Variants in ABHD16A observed in about 807,000 individuals in gnomAD.
ABHD16A encodes phosphatidylserine lipase ABHD16A.
In ABHD16A, 47 loss-of-function variants were observed where a neutral mutation model predicts 89.8. That is an observed-to-expected ratio of 0.52 (90% CI 0.41 to 0.67). ABHD16A has a LOEUF of 0.67. Among genes scored for constraint, ABHD16A ranks in the 30% least tolerant of loss-of-function variants. The pLI is 0.00. For synonymous variants in ABHD16A, 251 were observed against 280.4 expected, an observed-to-expected ratio of 0.90 and a Z score of 1.05; for missense variants, 580 against 734.6, an observed-to-expected ratio of 0.79 and a Z score of 2.43.
Position 31,690,604 on chromosome 6 carries a change from TAGGAAGGAGGC to T in ABHD16A, c.844-13_844-3del. 6.2e-7 allele frequency: 1 copy of T among 1,612,650 alleles called. No individual in the cohort carries two copies. Among genetic ancestry groups the T allele is most frequent in the South Asian group, 1.1e-5 (1 of 91,068 alleles). On this transcript the variant is annotated splice_region_variant and splice_polypyrimidine_tract_variant and intron_variant, in intron 9 of 19. Coordinates refer to ENST00000395952, the MANE Select transcript of ABHD16A (RefSeq NM_021160.3). The surrounding 1 kb of genome is among the most constrained non-coding windows in gnomAD (Gnocchi z 4.1). ...AGCATTCCCCTCACAGCAGATCACCTAGGAAGGAGGCAGGAAGGAAGGGCTGGGGGGCCAAG... is the reference window on the plus strand; with the variant it reads ...AGCATTCCCCTCACAGCAGATCACCTAGGAAGGAAGGGCTGGGGGGCCAAG...
At chr6:31,702,640 T>C (rs1355799769) in intron 1 of ABHD16A, 1 of 1,521,072 alleles carries the variant, frequency 6.6e-7, no homozygotes. Flanking sequence ...CAGAATACAA[T>C]GACTCGGGTC....
intron 4 of ABHD16A, among the ~76,000 whole-genome samples, chr6:31,700,375 C>G (rs916787828): frequency 2.3e-4 from 35 of 152,196 alleles, no homozygotes; most frequent in Non-Finnish European, 4.1e-4. Flanking sequence ...CCACTGGCCT[C>G]TGCCTCCCAA....
rs1469118946 is a variant in ABHD16A, at chr6:31,693,150, C to T, written c.504-1G>A. The T allele has an allele frequency of 6.2e-7, 1 of 1,612,156 alleles. No individual in the cohort carries two copies. The highest frequency in any genetic ancestry group is 8.5e-7 in the Non-Finnish European group (1 of 1,179,126). ...GGAAGGGCCCCCTCGAGACTCCTTC[C>T]TGAGGAAGGGAAAGATGCAGGGAAG... On this transcript the variant is annotated splice_acceptor_variant, in intron 6 of 19. Coordinates refer to ENST00000395952, the MANE Select transcript of ABHD16A (RefSeq NM_021160.3). LOFTEE classifies it high-confidence loss of function. The surrounding 1 kb of genome is among the most constrained non-coding windows in gnomAD (Gnocchi z 5.0).
chr6:31,688,470 G>T lies in ABHD16A; in HGVS notation c.1251-165C>A. On this transcript the variant is annotated intron_variant, in intron 14 of 19. Coordinates refer to ENST00000395952, the MANE Select transcript of ABHD16A (RefSeq NM_021160.3). The surrounding 1 kb of genome is among the most constrained non-coding windows in gnomAD (Gnocchi z 4.9). ...TGAGAGGGGATTATTTAAGGGGCAT[G>T]GTTCAGTCTGGCCCTGCTGGGAGAC... 1 of 817,026 alleles carries T rather than the reference G, an allele frequency of 1.2e-6. No homozygotes were observed. The highest frequency in any genetic ancestry group is 1.9e-6 in the Non-Finnish European group (1 of 513,918). The allele number at this position is 817,026 out of a possible 1,614,324, so 50.6% of individuals were successfully genotyped here. A position where few individuals can be genotyped will look rare whatever the true frequency, so the allele number is the denominator to read the frequency against.
In ABHD16A at chr6:31,703,287, C is replaced by T. The variant is rs373817976; in HGVS notation, c.-6G>A. The T allele has an allele frequency of 1.8e-4, 237 of 1,343,414 alleles. 1 individual carries two copies. Among genetic ancestry groups the T allele is most frequent in the Middle Eastern group, 1.3e-3 (6 of 4,734 alleles). The allele number at this position is 1,343,414 out of a possible 1,614,324, so 83.2% of individuals were successfully genotyped here. On this transcript the variant is annotated 5_prime_UTR_variant, in exon 1 of 20. Coordinates refer to ENST00000395952, the MANE Select transcript of ABHD16A (RefSeq NM_021160.3). ...CAGCTCAGCAGCTTCGCCATGGCCC[C>T]GGCTCGGGCCGCTGCTCTTCCAGCA...
At chr6:31,696,183 T>C (rs1274841957) in intron 5 of ABHD16A, among the ~76,000 whole-genome samples, 3 of 148,428 alleles carry the variant, frequency 2.0e-5, no homozygotes, top group Non-Finnish European at 4.5e-5. Flanking sequence ...AAAAAAAAAT[T>C]AACTGGGCGT....
Position 31,688,449 on chromosome 6 carries a change from A to G in ABHD16A, c.1251-144T>C. On this transcript the variant is annotated intron_variant, in intron 14 of 19. Coordinates refer to ENST00000395952, the MANE Select transcript of ABHD16A (RefSeq NM_021160.3). This position sits in a 1 kb window ranked among gnomAD's most constrained non-coding sequence, Gnocchi z 4.9. ...ACCTAGCCCTTCACTCAGGGGTGAG[A>G]GGGGATTATTTAAGGGGCATGGTTC... The G allele has an allele frequency of 2.2e-6, 2 of 902,934 alleles. No individual in the cohort carries two copies. The highest frequency in any genetic ancestry group is 3.5e-6 in the Non-Finnish European group (2 of 576,468). The allele number at this position is 902,934 out of a possible 1,614,324, so 55.9% of individuals were successfully genotyped here.
rs1053569920 is a variant in ABHD16A, at chr6:31,693,919, T to C, written c.430-487A>G. Among the ~76,000 whole-genome samples, 4 of 152,220 alleles carry C rather than the reference T, an allele frequency of 2.6e-5. No homozygotes were observed. Among genetic ancestry groups the C allele is most frequent in the African/African-American group, 7.2e-5 (3 of 41,458 alleles). On this transcript the variant is annotated intron_variant, in intron 5 of 19. Coordinates refer to ENST00000395952, the MANE Select transcript of ABHD16A (RefSeq NM_021160.3). This position sits in a 1 kb window ranked among gnomAD's most constrained non-coding sequence, Gnocchi z 5.0. ...ACGCCCACAGTGGGCTCCTCTGCCA[T>C]GTGGGGCCACCCGTTGAAGGAAGCT...
rs747392818 is a variant in ABHD16A, at chr6:31,693,419, T to G, written c.443A>C (p.Asn148Thr). The change falls in exon 6 of 20, where the codon AAC becomes ACC. Residue 148 changes from asparagine (N) to threonine (T), a missense_variant. Asn to Thr is a moderately conservative substitution (Grantham distance 65). Transcript: ENST00000395952. The surrounding 1 kb of genome is among the most constrained non-coding windows in gnomAD (Gnocchi z 5.0). ...QSSENKRQLA[N>T]YNFDFRSWPV... ...CCAGCTCCGGAAGTCAAAGTTGTAGTTGGCAAGCTGCCTCTGCAGTGGGCA... is the reference window on the plus strand; with the variant it reads ...CCAGCTCCGGAAGTCAAAGTTGTAGGTGGCAAGCTGCCTCTGCAGTGGGCA... The G allele has an allele frequency of 6.2e-7, 1 of 1,612,992 alleles. No homozygotes were observed. The highest frequency in any genetic ancestry group is 8.5e-7 in the Non-Finnish European group (1 of 1,180,014).
Position 31,693,190 on chromosome 6 carries a change from C to G in ABHD16A, c.504-41G>C, listed in dbSNP as rs1804076523. On this transcript the variant is annotated intron_variant, in intron 6 of 19. Transcript: ENST00000395952. This position sits in a 1 kb window ranked among gnomAD's most constrained non-coding sequence, Gnocchi z 5.0. ...ATGCAGGGAAGGATAGGGTCAGGAG[C>G]AGCAAGCTGGATGTCTGAGGTCTGG... 1 of 1,600,866 alleles carries G rather than the reference C, an allele frequency of 6.2e-7. No homozygotes were observed. The highest frequency in any genetic ancestry group is 1.3e-5 in the African/African-American group (1 of 74,820).
intron 4 of ABHD16A, among the ~76,000 whole-genome samples, chr6:31,700,148 C>T (rs1345968749): frequency 2.8e-5 from 4 of 143,628 alleles, no homozygotes; most frequent in East Asian, 2.1e-4. Context: ...TTTTTTGAGA[C>T]GGAGTCTTGC....
intron 5 of ABHD16A, among the ~76,000 whole-genome samples, chr6:31,694,681 G>A (rs560002217): frequency 4.6e-5 from 7 of 152,152 alleles, no homozygotes; most frequent in South Asian, 2.1e-4. Flanking sequence ...GTGAGCCACC[G>A]CGCCCGGCCT....
chr6:31,700,527 T>C (rs1804864147), intron 4 of ABHD16A, among the ~76,000 whole-genome samples: 1 of 152,222 alleles, frequency 6.6e-6, no homozygotes. Flanking sequence ...TGTACATCTA[T>C]ATTGTTTATA....
intron 1 of ABHD16A, chr6:31,702,668 G>C (rs1218304408): frequency 1.6e-5 from 24 of 1,542,468 alleles, no homozygotes; most frequent in Admixed American, 2.1e-5. Context: ...TAGGTTGGGC[G>C]GGGGTTGAGG....
chr6:31,702,869 G>A, intron 1 of ABHD16A: 1 of 1,357,584 alleles, frequency 7.4e-7, no homozygotes, highest in African/African-American at 1.5e-5. Flanking sequence ...ACTCAACTGG[G>A]ACCGGCACGA....
At position 31,699,281 on chromosome 6, in the gene ABHD16A, C is replaced by T. The variant is rs189218887; in HGVS notation, c.343+1661G>A. Among the ~76,000 whole-genome samples the T allele has an allele frequency of 3.6e-3, 542 of 151,836 alleles. 2 individuals are homozygous for T. The highest frequency in any genetic ancestry group is 0.01 in the Middle Eastern group (3 of 292). On this transcript the variant is annotated intron_variant, in intron 4 of 19. Transcript: ENST00000395952. ...AAACCTAGCCGGGTGTGGTGGTGGG[C>T]GCCTGTAGTCCCAGCTACTCGGGAG...
In ABHD16A at chr6:31,689,050, A is replaced by G. The variant is rs145460711; in HGVS notation, c.1151T>C (p.Val384Ala). The G allele has an allele frequency of 2.5e-6, 4 of 1,614,018 alleles. No individual in the cohort carries two copies. In the African/African-American group the frequency reaches 5.3e-5, roughly 22 times the overall value. Residue 384 changes from valine to alanine, a missense_variant, in exon 13 of 20, where the codon GTG becomes GCG. By Grantham distance (64) the Val-to-Ala change is moderately conservative. Transcript: ENST00000395952. ...MILDASFDDL[V>A]PLALKVMPDS... ...TGGCATGACCTTCAAGGCCAAGGGC[A>G]CCAGGTCATCAAAGGAGGCATCCAG...
rs780619567 is a variant in ABHD16A, at chr6:31,687,861, C to T, written c.1410G>A (p.Val470=). The change falls in exon 17 of 20, where the codon GTG becomes GTA. Residue 470 remains valine, a synonymous_variant. Transcript: ENST00000395952. The surrounding 1 kb of genome is among the most constrained non-coding windows in gnomAD (Gnocchi z 6.3). Reference sequence around the variant, plus strand: ...GTGAGGAGGCCTCCAACCACTGCCTCACCACTCGAAGACCCTCCTCTGCCA... The same window carrying T: ...GTGAGGAGGCCTCCAACCACTGCCTTACCACTCGAAGACCCTCCTCTGCCA... ...RVMAEEGLRV[V]RQWLEASSQL... The T allele has an allele frequency of 1.9e-6, 3 of 1,612,886 alleles. No individual in the cohort carries two copies. Among genetic ancestry groups the T allele is most frequent in the Non-Finnish European group, 2.5e-6 (3 of 1,180,026 alleles).
At chr6:31,694,057 C>CTT (rs35205600) in intron 5 of ABHD16A, among the ~76,000 whole-genome samples, 147 of 142,774 alleles carry the variant, frequency 1.0e-3, no homozygotes, top group Admixed American at 3.4e-3. Context: ...GTCCACATGC[C>CTT]TTTTTTTTTT....
Sources: gnomAD v4.1 joint callset for allele counts (sites outside exome capture counted in the v4.1 genomes callset) on GRCh38, gnomAD v4.1.1 for gene constraint, Gnocchi (gnomAD v3.1) non-coding constraint, MANE v1.5 for transcripts, NCBI Gene and HGNC (gene_info 2026-07-23, HGNC 2026-07-21) for gene names.